The following CAGE1 variants were observed in gnomAD, a reference collection of about 807,000 sequenced individuals.
CAGE1 encodes cancer-associated gene 1 protein.
A neutral mutation model predicts 94.9 loss-of-function variants in CAGE1; 66 were observed. The ratio of observed to expected loss-of-function variants is 0.70; its 90% CI spans 0.57 to 0.85. The LOEUF (loss-of-function observed/expected upper bound fraction) is 0.85, where lower values mean the gene tolerates loss of function less well. Ranked by LOEUF, CAGE1 falls within the 40% of genes least tolerant of loss-of-function variation. CAGE1 has a pLI of 0.00. For missense variants in CAGE1, 865 were observed against 950.4 expected (o/e 0.91, Z 1.18); for synonymous variants, 319 against 321.0 (o/e 0.99, Z 0.07).
chr6:7,384,191 C>T (rs1270174829), intron 3 of CAGE1, among the ~76,000 whole-genome samples: 1 of 152,144 alleles, frequency 6.6e-6, no homozygotes, highest in Non-Finnish European at 1.5e-5. Flanking sequence ...CATTCTCCTG[C>T]CTCAGCCTCC....
At chr6:7,383,669 T>G (rs922436683) in intron 3 of CAGE1, among the ~76,000 whole-genome samples, 9 of 152,230 alleles carry the variant, frequency 5.9e-5, no homozygotes, top group Admixed American at 2.0e-4. Context: ...TGGGTATTTT[T>G]TTTAACTTTT....
At position 7,376,433 on chromosome 6, in the gene CAGE1, T is replaced by TAAATAAAA. The variant is rs1489964752; in HGVS notation, c.687+2183_687+2184insTTTTATTT. Among the ~76,000 whole-genome samples the TAAATAAAA allele has an allele frequency of 3.3e-3, 474 of 144,602 alleles. 1 individual carries two copies. Among genetic ancestry groups the TAAATAAAA allele is most frequent in the Admixed American group, 8.1e-3 (118 of 14,574 alleles). 94.9% of individuals were successfully genotyped at this position (144,602 alleles called of 152,430 possible). A position where few individuals can be genotyped will look rare whatever the true frequency, so the allele number is the denominator to read the frequency against. The stretch of plus-strand genomic sequence containing the variant: ...ATAAATAAATAAATAAATAAATAAA[T>TAAATAAAA]AAAATAAAAGTTAGTTTGGCCTCCA... On this transcript the variant is annotated intron_variant, in intron 4 of 13. Coordinates refer to ENST00000502583, the MANE Select transcript of CAGE1 (RefSeq NM_001170692.2).
At chr6:7,355,992 G>C (rs1317976726) in intron 10 of CAGE1, 33 bp downstream of exon 10, 1 of 1,235,856 alleles carries the variant, frequency 8.1e-7, no homozygotes, top group South Asian at 1.3e-5. Flanking sequence ...GTGAGATCTT[G>C]TCTCAAAATA....
chr6:7,349,030 C>T (rs930793258), intron 11 of CAGE1, among the ~76,000 whole-genome samples: 9 of 152,014 alleles, frequency 5.9e-5, no homozygotes, highest in South Asian at 2.1e-4. Context: ...TGCAAGAGAC[C>T]GCAACATCCA....
In CAGE1 at chr6:7,379,026, AAGAAAG is replaced by A. The variant is rs770181798; in HGVS notation, c.284-12_284-7del. Reference sequence around the variant, plus strand: ...GTAATTTTCAATGTTGTTATCTCATAAGAAAGAGAAAGAAGGAAATAAAAACGAGTA... The same window carrying A: ...GTAATTTTCAATGTTGTTATCTCATAAGAAAGAAGGAAATAAAAACGAGTA... On this transcript the variant is annotated splice_polypyrimidine_tract_variant and splice_region_variant and intron_variant, in intron 3 of 13. Coordinates refer to ENST00000502583, the MANE Select transcript of CAGE1 (RefSeq NM_001170692.2). The A allele has an allele frequency of 3.4e-6, 5 of 1,475,524 alleles. No individual in the cohort carries two copies. In the South Asian group the frequency reaches 6.9e-5, roughly 20 times the overall value. 91.4% of individuals were successfully genotyped at this position (1,475,524 alleles called of 1,614,324 possible).
At position 7,373,923 on chromosome 6, in the gene CAGE1, A is replaced by G. The variant is rs1370952597; in HGVS notation, c.896T>C (p.Val299Ala). The change falls in exon 5 of 14, where the codon GTT becomes GCT. Residue 299 changes from valine (V) to alanine (A), a missense_variant. Val to Ala is a moderately conservative substitution (Grantham distance 64). Coordinates refer to ENST00000502583, the MANE Select transcript of CAGE1 (RefSeq NM_001170692.2). ...TTCATTTAAAGCCATGTCCTCTTGA[A>G]CAGGTTGTAAGCTTTCAGCACTTTG... ...WEQSAESLQP[V>A]QEDMALNEVL... is the part of the protein sequence containing the mutation. The G allele has an allele frequency of 6.2e-7, 1 of 1,613,984 alleles. No individual in the cohort carries two copies. Among genetic ancestry groups the G allele is most frequent in the Non-Finnish European group, 8.5e-7 (1 of 1,179,886 alleles).
At chr6:7,345,238 A>C (rs1178881655) in intron 11 of CAGE1, among the ~76,000 whole-genome samples, 1 of 148,896 alleles carries the variant, frequency 6.7e-6, no homozygotes, top group Non-Finnish European at 1.5e-5. Context: ...GCCTACCAAG[A>C]AGAAGGAACA....
intron 7 of CAGE1, among the ~76,000 whole-genome samples, chr6:7,366,245 C>CA (rs775283906): frequency 0.11 from 7,488 of 70,862 alleles, 428 homozygotes; most frequent in African/African-American, 0.18. Flanking sequence ...GACTCTGTCT[C>CA]AAAAAAAAAA....
rs1290193793 is a variant in CAGE1, at chr6:7,334,094, A to G, written c.2370-4T>C. The G allele has an allele frequency of 6.7e-7, 1 of 1,500,756 alleles. No homozygotes were observed. The highest frequency in any genetic ancestry group is 1.2e-5 in the South Asian group (1 of 80,482). The allele number at this position is 1,500,756 out of a possible 1,614,324, so 93.0% of individuals were successfully genotyped here. On this transcript the variant is annotated splice_polypyrimidine_tract_variant and splice_region_variant and intron_variant, in intron 11 of 13. Transcript: ENST00000502583. ...ATGTTTATTTCTCTCTTCCAAACTG[A>G]AAGAAGAAACAATTGAATTTTATGA... is the stretch of plus-strand genomic sequence containing the variant.
intron 12 of CAGE1, among the ~76,000 whole-genome samples, chr6:7,333,249 C>A (rs1220364704): frequency 6.6e-6 from 1 of 152,146 alleles, no homozygotes; most frequent in Non-Finnish European, 1.5e-5. Flanking sequence ...CCGTGCCCTG[C>A]CTATACTGCT....
At chr6:7,337,580 A>T (rs1414898860) in intron 11 of CAGE1, among the ~76,000 whole-genome samples, 1 of 152,098 alleles carries the variant, frequency 6.6e-6, no homozygotes, top group Admixed American at 6.6e-5. Flanking sequence ...TTTTTTGAAA[A>T]TGGGCAATGA....
At chr6:7,332,621 G>A (rs1178734251) in intron 12 of CAGE1, among the ~76,000 whole-genome samples, 1 of 152,126 alleles carries the variant, frequency 6.6e-6, no homozygotes, top group East Asian at 1.9e-4. Context: ...AACTTTTAGG[G>A]AACACGTTTC....
rs775280043 is a variant in CAGE1 at position 7,373,664 on chromosome 6, C to T, written c.1155G>A (p.Leu385=). 2.1e-5 allele frequency: 34 copies of T among 1,612,990 alleles called. No homozygotes were observed. Among genetic ancestry groups the T allele is most frequent in the Non-Finnish European group, 2.7e-5 (32 of 1,179,524 alleles). The change falls in exon 5 of 14, where the codon TTG becomes TTA. Residue 385 remains leucine, a synonymous_variant. Coordinates refer to ENST00000502583, the MANE Select transcript of CAGE1 (RefSeq NM_001170692.2). ...KNDTKKTLQN[L]EEVLANTQKH... ...TTTGCGTGTTAGCTAAAACCTCTTCCAAATTCTGCAATGTCTTTTTAGTAT... is the reference window on the plus strand; with the variant it reads ...TTTGCGTGTTAGCTAAAACCTCTTCTAAATTCTGCAATGTCTTTTTAGTAT...
In CAGE1 at chr6:7,389,332, T is replaced by A; in HGVS notation, c.-154A>T. ...CCCACGCTACGGACCTGGCTCTCCC[T>A]CCCTCTGCACCGGGTTTTGTGGGAG... On this transcript the variant is annotated 5_prime_UTR_variant, in exon 1 of 14. Coordinates refer to ENST00000502583, the MANE Select transcript of CAGE1 (RefSeq NM_001170692.2). 2.2e-6 allele frequency: 1 copy of A among 456,222 alleles called. No individual in the cohort carries two copies. The highest frequency in any genetic ancestry group is 4.4e-6 in the Non-Finnish European group (1 of 226,934). The allele number at this position is 456,222 out of a possible 1,614,324, so 28.3% of individuals were successfully genotyped here. A position where few individuals can be genotyped will look rare whatever the true frequency, so the allele number is the denominator to read the frequency against.
intron 11 of CAGE1, among the ~76,000 whole-genome samples, chr6:7,345,316 C>G (rs571267526): frequency 6.6e-6 from 1 of 151,978 alleles, no homozygotes; most frequent in Admixed American, 6.6e-5. Flanking sequence ...ATTTCTGAAC[C>G]AGCGAGACCA....
intron 4 of CAGE1, among the ~76,000 whole-genome samples, chr6:7,377,024 C>G (rs1386270886): frequency 3.3e-5 from 5 of 152,192 alleles, no homozygotes; most frequent in Admixed American, 3.3e-4. Context: ...ATAACATGCT[C>G]TACATATACT....
At chr6:7,355,235 A>G (rs2113409043) in intron 10 of CAGE1, 124 bp from the exon 11 acceptor site, 11 of 601,866 alleles carry the variant, frequency 1.8e-5, no homozygotes, top group Middle Eastern at 4.5e-4. Context: ...TAGGCAAAAC[A>G]CTTTCCTTAC....
chr6:7,365,981 C>T (rs1248824956), intron 7 of CAGE1, 97 bp from the exon 8 acceptor site: 1 of 725,098 alleles, frequency 1.4e-6, no homozygotes, highest in Non-Finnish European at 2.2e-6. Flanking sequence ...CGTAGTGGCT[C>T]ATGCCTATAA....
At position 7,389,285 on chromosome 6, in the gene CAGE1, C is replaced by A. The variant is rs1228919440; in HGVS notation, c.-107G>T. ...TTAAGACACAAAAGTGTGCTCACTTCCAGGATCCATAGTTTCTTGGACCCA... is the reference window on the plus strand; with the variant it reads ...TTAAGACACAAAAGTGTGCTCACTTACAGGATCCATAGTTTCTTGGACCCA... On this transcript the variant is annotated 5_prime_UTR_variant, in exon 1 of 14. Transcript: ENST00000502583. 4.4e-6 allele frequency: 2 copies of A among 456,320 alleles called. No homozygotes were observed. The highest frequency in any genetic ancestry group is 4.7e-5 in the Admixed American group (2 of 42,584). The allele number at this position is 456,320 out of a possible 1,614,324, so 28.3% of individuals were successfully genotyped here.
Sources: gnomAD v4.1 joint callset for allele counts (sites outside exome capture counted in the v4.1 genomes callset) on GRCh38, gnomAD v4.1.1 for gene constraint, MANE v1.5 for transcripts, NCBI Gene and HGNC (gene_info 2026-07-23, HGNC 2026-07-21) for gene names.